HDAC9: variants seen among roughly 807,000 people sequenced by gnomAD.
HDAC9 encodes histone deacetylase 9, also known as MEF-2 interacting transcription repressor (MITR) protein.
Under a neutral mutation model 139.4 loss-of-function variants are expected in HDAC9, and 41 were observed. The observed-to-expected ratio is 0.29, with a 90% CI of 0.23 to 0.38. The LOEUF is 0.38. Among genes scored for constraint, HDAC9 ranks in the 10% least tolerant of loss-of-function variants. HDAC9 has a pLI of 1.00. For synonymous variants in HDAC9, 517 were observed against 476.2 expected (o/e 1.09, Z -1.12); for missense variants, 1,147 against 1,297.0 (o/e 0.88, Z 1.78).
chr7:18,205,236 T>C (rs959789777), intron 2 of HDAC9, among the ~76,000 whole-genome samples: 3 of 152,038 alleles, frequency 2.0e-5, no homozygotes, highest in African/African-American at 7.2e-5. Context: ...TATAATTAGA[T>C]ATTTTACTGG....
In HDAC9 at chr7:18,971,990, T is replaced by A. The variant is rs564399423; in HGVS notation, c.3023-3816T>A. ...TGTGTTATGGAAGTAAAGATGTTTG[T>A]TTGTGGCCTAGACCTCTCCTGTTGA... On this transcript the variant is annotated intron_variant, in intron 24 of 25. Transcript: ENST00000686413. Among the ~76,000 whole-genome samples the A allele has an allele frequency of 5.8e-4, 88 of 152,330 alleles. 6 individuals carry two copies. In the South Asian group the frequency reaches 0.017, roughly 30 times the overall value.
At chr7:18,717,203 G>GT (rs1217774629) in intron 12 of HDAC9, among the ~76,000 whole-genome samples, 1 of 152,040 alleles carries the variant, frequency 6.6e-6, no homozygotes, top group Non-Finnish European at 1.5e-5. Context: ...GGGAAGACTG[G>GT]TAGAAAACAG....
chr7:18,287,848 T>C (rs189000322), upstream of HDAC9, among the ~76,000 whole-genome samples: 1 of 152,346 alleles, frequency 6.6e-6, no homozygotes, highest in East Asian at 1.9e-4. Context: ...TACTGGCATT[T>C]AGTGGACTGC....
At chr7:18,981,875 G>T (rs1212544797) in intron 25 of HDAC9, among the ~76,000 whole-genome samples, 1 of 151,762 alleles carries the variant, frequency 6.6e-6, no homozygotes, top group Non-Finnish European at 1.5e-5. Context: ...TCCTACCACA[G>T]AAACAAACAT....
intron 1 of HDAC9, among the ~76,000 whole-genome samples, chr7:18,383,718 T>C (rs187472148): frequency 1.1e-4 from 16 of 141,770 alleles, no homozygotes; most frequent in Admixed American, 1.1e-3. Flanking sequence ...CCGTCTCTAC[T>C]AAAAAAAAAA....
At chr7:18,097,212 C>G (rs1331032311) in intron 1 of HDAC9, among the ~76,000 whole-genome samples, 2 of 152,148 alleles carry the variant, frequency 1.3e-5, no homozygotes, top group African/African-American at 2.4e-5. Context: ...TCATATCTAA[C>G]ATTATTATAT....
intron 1 of HDAC9, among the ~76,000 whole-genome samples, chr7:18,147,213 G>C (rs1352987853): frequency 6.6e-6 from 1 of 151,988 alleles, no homozygotes; most frequent in East Asian, 1.9e-4. Context: ...CTTCATACCT[G>C]GGTGTGCCTC....
chr7:18,178,382 G>GC (rs1166734257), intron 2 of HDAC9, among the ~76,000 whole-genome samples: 1 of 152,168 alleles, frequency 6.6e-6, no homozygotes, highest in East Asian at 1.9e-4. Context: ...ACTGCACCCG[G>GC]CCCCCCTCTT....
chr7:18,703,495 T>C (rs898766711), intron 12 of HDAC9, among the ~76,000 whole-genome samples: 2 of 152,186 alleles, frequency 1.3e-5, no homozygotes, highest in Non-Finnish European at 2.9e-5. Flanking sequence ...AAGACAAATA[T>C]ATGTGAGAGT....
intron 1 of HDAC9, among the ~76,000 whole-genome samples, chr7:18,367,361 G>A (rs902089361): frequency 1.3e-5 from 2 of 151,904 alleles, no homozygotes; most frequent in African/African-American, 4.8e-5. Flanking sequence ...GGAGAAGAAG[G>A]GTATCAGATT....
intron 23 of HDAC9, among the ~76,000 whole-genome samples, chr7:18,936,760 CAT>C (rs1476824385): frequency 2.0e-5 from 3 of 152,136 alleles, no homozygotes; most frequent in Non-Finnish European, 2.9e-5. Flanking sequence ...ATTAGATAAA[CAT>C]ATACAAAATC....
At chr7:18,282,874 C>T (rs947691244) in intron 2 of HDAC9, among the ~76,000 whole-genome samples, 6 of 151,552 alleles carry the variant, frequency 4.0e-5, no homozygotes, top group African/African-American at 1.5e-4. Context: ...GACTGAAAGA[C>T]ATGTTAGAAA....
intron 1 of HDAC9, among the ~76,000 whole-genome samples, chr7:18,160,290 T>C (rs528493013): frequency 1.3e-5 from 2 of 152,224 alleles, no homozygotes; most frequent in African/African-American, 4.8e-5. Flanking sequence ...AATTGTGCCA[T>C]TGAGAATCAA....
In HDAC9 at chr7:18,758,419, C is replaced by T. The variant is rs577045252; in HGVS notation, c.2044-3738C>T. 3.3e-5 allele frequency among the ~76,000 whole-genome samples: 5 copies of T among 152,010 alleles called. No individual in the cohort carries two copies. In the South Asian group the frequency reaches 1.0e-3, roughly 32 times the overall value. On this transcript the variant is annotated intron_variant, in intron 14 of 25. Transcript: ENST00000686413. ...GCTATTGACCTTTAACTCAAGAGAG[C>T]CTTGAGAGAGAGAAATGAAAGAATA... is the stretch of plus-strand genomic sequence containing the variant.
At chr7:18,522,407 A>G (rs1200787538) in intron 2 of HDAC9, among the ~76,000 whole-genome samples, 2 of 152,162 alleles carry the variant, frequency 1.3e-5, no homozygotes, top group South Asian at 2.1e-4. Flanking sequence ...CCTCCCAACA[A>G]TATGCTAAGA....
chr7:18,921,533 A>T (rs569236510), intron 22 of HDAC9, among the ~76,000 whole-genome samples: 173 of 152,316 alleles, frequency 1.1e-3, no homozygotes, highest in Middle Eastern at 0.01. Flanking sequence ...ATGAGATACC[A>T]TCTCACACCA....
intron 1 of HDAC9, among the ~76,000 whole-genome samples, chr7:18,483,948 C>G (rs1274475387): frequency 2.1e-5 from 3 of 141,648 alleles, no homozygotes; most frequent in African/African-American, 7.9e-5. Flanking sequence ...ATATATTCTA[C>G]TATGTAATGA....
intron 1 of HDAC9, among the ~76,000 whole-genome samples, chr7:18,308,128 A>T (rs562917525): frequency 1.2e-4 from 19 of 152,334 alleles, no homozygotes; most frequent in African/African-American, 4.6e-4. Context: ...CTTAATTTAT[A>T]TTGCCAAGTA....
At chr7:18,613,348 C>G (rs978744618) in intron 6 of HDAC9, among the ~76,000 whole-genome samples, 2 of 151,920 alleles carry the variant, frequency 1.3e-5, no homozygotes, top group African/African-American at 2.4e-5. Flanking sequence ...GAAAAGGAGG[C>G]GAGCAAATTT....
Sources: allele counts gnomAD v4.1 joint callset (sites outside exome capture counted in the v4.1 genomes callset), GRCh38; gene constraint gnomAD v4.1.1; transcripts MANE v1.5; gene names NCBI Gene and HGNC (gene_info 2026-07-23, HGNC 2026-07-21).